The following ANO6 variants were observed in gnomAD, a reference collection of about 807,000 sequenced individuals.
ANO6 encodes the protein anoctamin 6.
ANO6 carries 106 observed loss-of-function variants against 117.5 expected under a neutral mutation model. The observed-to-expected ratio is 0.90, with a 90% CI of 0.77 to 1.06. ANO6 has a LOEUF of 1.06. ANO6 is among the 50% of genes least tolerant of loss of function. The pLI, the probability that ANO6 is intolerant of heterozygous loss-of-function variation, is 0.00. For missense variants in ANO6, 955 were observed against 1,121.1 expected, an observed-to-expected ratio of 0.85 and a Z score of 2.12; for synonymous variants, 367 against 385.1, an observed-to-expected ratio of 0.95 and a Z score of 0.55.
Position 45,381,272 on chromosome 12 carries a change from G to A in ANO6, c.1165+3159G>A, listed in dbSNP as rs534701964. Among the ~76,000 whole-genome samples the A allele has an allele frequency of 3.2e-4, 48 of 152,346 alleles. No homozygotes were observed. The South Asian group carries it at 9.7e-3, about 31-fold the overall frequency. ...AGGAAGAGCTGTTATTGATCCCCAA[G>A]TTCCAGACAACCTTTCTCTTTTCTT... On this transcript the variant is annotated intron_variant, in intron 10 of 19. Coordinates refer to ENST00000320560, the MANE Select transcript of ANO6 (RefSeq NM_001025356.3).
chr12:45,427,935 T>TAAA (rs1943544311), intron 19 of ANO6, among the ~76,000 whole-genome samples: 4 of 63,472 alleles, frequency 6.3e-5, no homozygotes, highest in African/African-American at 3.7e-4. Context: ...AGACTCTGCC[T>TAAA]CAAAAAAAAA....
At chr12:45,222,116 C>T (rs1020760043) in intron 1 of ANO6, among the ~76,000 whole-genome samples, 8 of 151,674 alleles carry the variant, frequency 5.3e-5, no homozygotes, top group African/African-American at 7.3e-5. Context: ...CTCCTGACCT[C>T]GTGATCCGCC....
At chr12:45,257,732 T>C (rs1937887086) in intron 1 of ANO6, among the ~76,000 whole-genome samples, 1 of 152,230 alleles carries the variant, frequency 6.6e-6, no homozygotes, top group African/African-American at 2.4e-5. Context: ...CAATCTCGTC[T>C]CCTCAAATCT....
chr12:45,259,324 A>G (rs1011176596), intron 1 of ANO6, among the ~76,000 whole-genome samples: 8 of 152,170 alleles, frequency 5.3e-5, no homozygotes, highest in South Asian at 4.1e-4. Context: ...AGTTGTATGT[A>G]ATATTTTGCA....
At chr12:45,421,902 A>G (rs757671613) in intron 18 of ANO6, among the ~76,000 whole-genome samples, 10 of 152,166 alleles carry the variant, frequency 6.6e-5, no homozygotes, top group Non-Finnish European at 1.2e-4. Context: ...TAGGTCATCA[A>G]CCTTTTTTCC....
chr12:45,267,000 G>A (rs140464679), intron 1 of ANO6, among the ~76,000 whole-genome samples: 94 of 152,280 alleles, frequency 6.2e-4, no homozygotes, highest in Middle Eastern at 6.8e-3. Context: ...CAGCATCACG[G>A]TGGACATAGT....
intron 19 of ANO6, chr12:45,439,646 GCT>G (rs1943747439): frequency 1.8e-6 from 2 of 1,118,218 alleles, no homozygotes; most frequent in South Asian, 2.2e-5. Flanking sequence ...TGATTTAATT[GCT>G]TTTTTTTTTT....
intron 1 of ANO6, among the ~76,000 whole-genome samples, chr12:45,245,328 T>G (rs1947808076): frequency 6.6e-6 from 1 of 152,108 alleles, no homozygotes; most frequent in South Asian, 2.1e-4. Context: ...TTCTGTGTAC[T>G]AAAATATAAT....
intron 1 of ANO6, among the ~76,000 whole-genome samples, chr12:45,252,671 G>A (rs1937666732): frequency 6.6e-6 from 1 of 152,182 alleles, no homozygotes; most frequent in Admixed American, 6.5e-5. Context: ...TTGGAGCAGA[G>A]CACCCTTCTA....
chr12:45,428,929 G>T (rs1036832827), intron 19 of ANO6, among the ~76,000 whole-genome samples, 176 bp from the exon 20 acceptor site: 1 of 152,112 alleles, frequency 6.6e-6, no homozygotes, highest in Non-Finnish European at 1.5e-5. Context: ...TAAAGTAACA[G>T]TAACTGCTAG....
rs868466414 is a variant in ANO6, at chr12:45,390,625, G to C, written c.1386+127G>C. ...AGCCTGGAAACTATATGGTCTCAGAGAGACAGACAGATATTTCCAGATAAC... is the reference window on the plus strand; with the variant it reads ...AGCCTGGAAACTATATGGTCTCAGACAGACAGACAGATATTTCCAGATAAC... On this transcript the variant is annotated intron_variant, in intron 12 of 19. Transcript: ENST00000320560. 1.4e-5 allele frequency: 12 copies of C among 833,516 alleles called. No homozygotes were observed. In the Middle Eastern group the frequency reaches 1.1e-3, roughly 75 times the overall value. The allele number at this position is 833,516 out of a possible 1,614,324, so 51.6% of individuals were successfully genotyped here. A position where few individuals can be genotyped will look rare whatever the true frequency, so the allele number is the denominator to read the frequency against.
intron 1 of ANO6, among the ~76,000 whole-genome samples, chr12:45,223,174 C>A (rs1407889565): frequency 6.6e-6 from 1 of 152,170 alleles, no homozygotes; most frequent in African/African-American, 2.4e-5. Context: ...TAATGGAACC[C>A]AAGGAGGGTG....
intron 4 of ANO6, chr12:45,347,356 T>C (rs972052703): frequency 2.3e-6 from 1 of 428,668 alleles, no homozygotes; most frequent in African/African-American, 2.0e-5. Flanking sequence ...TTCTAAAAGC[T>C]TTTTTGTTAT....
At chr12:45,295,203 T>C (rs1939247380) in intron 1 of ANO6, among the ~76,000 whole-genome samples, 1 of 152,260 alleles carries the variant, frequency 6.6e-6, no homozygotes, top group African/African-American at 2.4e-5. Flanking sequence ...TAACATTCTT[T>C]GCATTAATAA....
chr12:45,288,920 G>T (rs899078197), intron 1 of ANO6, among the ~76,000 whole-genome samples: 1 of 151,064 alleles, frequency 6.6e-6, no homozygotes, highest in Non-Finnish European at 1.5e-5. Flanking sequence ...GCTAATTTTT[G>T]TATTTTTTTT....
chr12:45,293,537 G>A (rs971257579), intron 1 of ANO6, among the ~76,000 whole-genome samples: 3 of 151,456 alleles, frequency 2.0e-5, no homozygotes, highest in African/African-American at 7.3e-5. Context: ...ATAACTGGAT[G>A]TCCAACTGAA....
At position 45,238,173 on chromosome 12, in the gene ANO6, C is replaced by T. The variant is rs532699438; in HGVS notation, c.70+21782C>T. 1.5e-4 allele frequency among the ~76,000 whole-genome samples: 19 copies of T among 130,078 alleles called. No homozygotes were observed. The East Asian group carries it at 4.6e-3, about 31-fold the overall frequency. 85.3% of individuals were successfully genotyped at this position (130,078 alleles called of 152,430 possible). ...TTTCTTTTTTTTTTTTTTTTTGAGACAGAGTCTCACTCTGTCGCCCAGGCT... is the reference window on the plus strand; with the variant it reads ...TTTCTTTTTTTTTTTTTTTTTGAGATAGAGTCTCACTCTGTCGCCCAGGCT... On this transcript the variant is annotated intron_variant, in intron 1 of 19. Coordinates refer to ENST00000320560, the MANE Select transcript of ANO6 (RefSeq NM_001025356.3).
intron 1 of ANO6, among the ~76,000 whole-genome samples, chr12:45,256,205 A>C (rs781599571): frequency 2.6e-5 from 4 of 152,154 alleles, no homozygotes; most frequent in Non-Finnish European, 5.9e-5. Context: ...TGTATACACA[A>C]CACATGGGTA....
intron 16 of ANO6, among the ~76,000 whole-genome samples, chr12:45,413,235 G>C (rs1189168511): frequency 6.6e-6 from 1 of 152,208 alleles, no homozygotes; most frequent in East Asian, 1.9e-4. Context: ...GCTACAGCAG[G>C]TAACCCAGAC....
Sources: allele counts gnomAD v4.1 joint callset (sites outside exome capture counted in the v4.1 genomes callset), GRCh38; gene constraint gnomAD v4.1.1; transcripts MANE v1.5; gene names NCBI Gene and HGNC (gene_info 2026-07-23, HGNC 2026-07-21).